Variants in AGTPBP1 observed in about 807,000 individuals in gnomAD.
AGTPBP1 encodes ATP/GTP binding carboxypeptidase 1.
In AGTPBP1, 70 loss-of-function variants were observed where a neutral mutation model predicts 143.9. The observed-to-expected ratio is 0.49, with a 90% CI of 0.40 to 0.59. The LOEUF (loss-of-function observed/expected upper bound fraction) is 0.59, where lower values mean the gene tolerates loss of function less well. Among genes scored for constraint, AGTPBP1 ranks in the 20% least tolerant of loss-of-function variants. AGTPBP1 has a pLI of 0.00. For missense variants in AGTPBP1, 1,229 were observed against 1,464.5 expected (o/e 0.84, Z 2.62); for synonymous variants, 463 against 500.2 (o/e 0.93, Z 0.99).
intron 10 of AGTPBP1, among the ~76,000 whole-genome samples, chr9:85,656,886 C>T (rs1421115896): frequency 2.0e-5 from 3 of 152,122 alleles, no homozygotes; most frequent in Admixed American, 1.3e-4. Context: ...GCAAACAACA[C>T]CGAGTACAGC....
Position 85,712,567 on chromosome 9 carries a change from C to A in AGTPBP1, c.-33-1G>T. On this transcript the variant is annotated splice_acceptor_variant, in intron 1 of 25. Transcript: ENST00000357081. LOFTEE classifies it low-confidence loss of function (5UTR_SPLICE). ...ACTTCATTTCATAATTGCAGATAAT[C>A]TAAAAGAAAAATGTTAATGATATTA... is the stretch of plus-strand genomic sequence containing the variant. 7.2e-7 allele frequency: 1 copy of A among 1,398,156 alleles called. No individual in the cohort carries two copies. Among genetic ancestry groups the A allele is most frequent in the Admixed American group, 2.4e-5 (1 of 41,352 alleles). 86.6% of individuals were successfully genotyped at this position (1,398,156 alleles called of 1,614,324 possible). A position where few individuals can be genotyped will look rare whatever the true frequency, so the allele number is the denominator to read the frequency against.
chr9:85,648,451 C>T (rs1390586989), intron 11 of AGTPBP1, among the ~76,000 whole-genome samples: 1 of 151,988 alleles, frequency 6.6e-6, no homozygotes, highest in African/African-American at 2.4e-5. Context: ...GGCAGTTGGT[C>T]ATGGATAAAC....
intron 8 of AGTPBP1, among the ~76,000 whole-genome samples, chr9:85,668,910 C>T (rs935711880): frequency 6.7e-6 from 1 of 149,612 alleles, no homozygotes; most frequent in African/African-American, 2.5e-5. Flanking sequence ...TGAGACATGG[C>T]TTTCATTTTC....
chr9:85,774,675 C>T, the AGTPBP1 span, among the ~76,000 whole-genome samples: 1 of 152,160 alleles, frequency 6.6e-6, no homozygotes, highest in Non-Finnish European at 1.5e-5. Flanking sequence ...TTAGGTGATA[C>T]TGTTACTCCT....
chr9:85,727,045 T>C (rs1587988507), intron 1 of AGTPBP1, among the ~76,000 whole-genome samples: 1 of 152,168 alleles, frequency 6.6e-6, no homozygotes, highest in Non-Finnish European at 1.5e-5. Context: ...TGCTCCAAAA[T>C]TCGGCCGGGT....
At chr9:85,701,993 G>A (rs559808214) in intron 2 of AGTPBP1, among the ~76,000 whole-genome samples, 2 of 152,160 alleles carry the variant, frequency 1.3e-5, no homozygotes, top group Non-Finnish European at 2.9e-5. Context: ...GATTCTTTTT[G>A]CCCCATATAA....
the AGTPBP1 span, among the ~76,000 whole-genome samples, chr9:85,778,920 G>A: frequency 6.6e-6 from 1 of 152,166 alleles, no homozygotes; most frequent in Non-Finnish European, 1.5e-5. Flanking sequence ...CTCACGAGCA[G>A]TGAATCAGGA....
chr9:85,590,026 A>C (rs1420542061), intron 19 of AGTPBP1, among the ~76,000 whole-genome samples: 2 of 152,122 alleles, frequency 1.3e-5, no homozygotes, highest in Non-Finnish European at 2.9e-5. Context: ...AGTTCCAAAA[A>C]ACCTTTTGGT....
intron 8 of AGTPBP1, 96 bp from the exon 9 acceptor site, chr9:85,661,069 C>A: frequency 9.7e-7 from 1 of 1,031,360 alleles, no homozygotes; most frequent in Non-Finnish European, 1.4e-6. Context: ...AGTCATTATT[C>A]TATTATCTAT....
intron 15 of AGTPBP1, 35 bp from the exon 16 acceptor site, chr9:85,619,336 ACATTG>A: frequency 6.8e-7 from 1 of 1,478,572 alleles, no homozygotes; most frequent in Non-Finnish European, 9.3e-7. Flanking sequence ...GTATTAAAAT[ACATTG>A]CATTTAAACA....
At chr9:85,580,961 T>C (rs1455955062) in intron 23 of AGTPBP1, among the ~76,000 whole-genome samples, 1 of 152,224 alleles carries the variant, frequency 6.6e-6, no homozygotes, top group Non-Finnish European at 1.5e-5. Context: ...TCTATACGGA[T>C]GTGCTCAGAG....
At chr9:85,786,364 T>C in the AGTPBP1 span, 12 of 1,614,028 alleles carry the variant, frequency 7.4e-6, no homozygotes, top group Non-Finnish European at 1.0e-5. Context: ...TGATAATCAG[T>C]TTACAAAATC....
intron 11 of AGTPBP1, among the ~76,000 whole-genome samples, chr9:85,647,122 A>G (rs1427815671): frequency 6.6e-6 from 1 of 152,176 alleles, no homozygotes; most frequent in Non-Finnish European, 1.5e-5. Flanking sequence ...TATTAAAAAT[A>G]CAAAATTAGC....
At chr9:85,551,890 GA>G (rs1206184781) in intron 25 of AGTPBP1, among the ~76,000 whole-genome samples, 2 of 150,762 alleles carry the variant, frequency 1.3e-5, no homozygotes, top group East Asian at 1.9e-4. Context: ...ACAATCATAA[GA>G]AAAAAAAAGT....
intron 17 of AGTPBP1, among the ~76,000 whole-genome samples, chr9:85,600,034 T>C (rs920397079): frequency 1.3e-5 from 2 of 152,164 alleles, no homozygotes; most frequent in Non-Finnish European, 2.9e-5. Flanking sequence ...ACTGGGTTGT[T>C]TGTTGTGTGG....
intron 25 of AGTPBP1, among the ~76,000 whole-genome samples, chr9:85,560,609 AGTC>A (rs1826646201): frequency 6.6e-6 from 1 of 152,200 alleles, no homozygotes; most frequent in East Asian, 1.9e-4. Context: ...TCCCCTAAGG[AGTC>A]TTTGTAGATA....
intron 13 of AGTPBP1, among the ~76,000 whole-genome samples, chr9:85,637,048 T>C (rs948990160): frequency 6.6e-6 from 1 of 151,458 alleles, no homozygotes; most frequent in Non-Finnish European, 1.5e-5. Flanking sequence ...AAGTTTTTTT[T>C]TTTTTTTTTT....
chr9:85,622,478 A>C (rs1025788679), intron 14 of AGTPBP1, among the ~76,000 whole-genome samples: 6 of 152,316 alleles, frequency 3.9e-5, no homozygotes, highest in African/African-American at 1.2e-4. Flanking sequence ...ATTAAAAATT[A>C]CCAGGAAAAT....
intron 14 of AGTPBP1, among the ~76,000 whole-genome samples, chr9:85,629,101 T>G (rs564362953): frequency 4.6e-5 from 7 of 152,308 alleles, no homozygotes; most frequent in African/African-American, 1.7e-4. Flanking sequence ...TACCAACATA[T>G]CTATGTTTAA....
Sources: allele counts gnomAD v4.1 joint callset (sites outside exome capture counted in the v4.1 genomes callset), GRCh38; gene constraint gnomAD v4.1.1; transcripts MANE v1.5; gene names NCBI Gene and HGNC (gene_info 2026-07-23, HGNC 2026-07-21).